ANKRD44: variants seen among roughly 807,000 people sequenced by gnomAD.
The protein encoded by ANKRD44 is serine/threonine-protein phosphatase 6 regulatory ankyrin repeat subunit B.
In ANKRD44, 35 loss-of-function variants were observed where a neutral mutation model predicts 116.0. The ratio of observed to expected loss-of-function variants is 0.30; its 90% CI spans 0.23 to 0.40. The LOEUF (loss-of-function observed/expected upper bound fraction) is 0.40. Ranked by LOEUF, ANKRD44 falls within the 10% of genes least tolerant of loss-of-function variation. ANKRD44 has a pLI of 1.00. For synonymous variants in ANKRD44, 435 were observed against 461.8 expected (o/e 0.94, Z 0.74); for missense variants, 1,014 against 1,242.6 (o/e 0.82, Z 2.77).
rs754432821 is a variant in ANKRD44 at position 197,008,971 on chromosome 2, G to A, written c.1985C>T (p.Ala662Val). The A allele has an allele frequency of 4.4e-5, 71 of 1,613,976 alleles. 1 individual carries two copies. The highest frequency in any genetic ancestry group is 1.1e-4 in the African/African-American group (8 of 74,922). ...LLLEIADNPEAVDVKDAKGQT... is the reference protein window; with the variant it reads ...LLLEIADNPEVVDVKDAKGQT... The stretch of plus-strand genomic sequence containing the variant: ...TCCTTTGGCATCTTTCACATCGACC[G>A]CCTCCGGGTTGTCTGCAATTTCTAG... Residue 662 changes from alanine (A) to valine (V), a missense_variant, in exon 19 of 28, where the codon GCG (alanine) becomes GTG (valine). Coordinates refer to ENST00000282272, the MANE Select transcript of ANKRD44 (RefSeq NM_001195144.2).
At chr2:197,186,220 C>T (rs1308064856) in intron 2 of ANKRD44, among the ~76,000 whole-genome samples, 2 of 151,996 alleles carry the variant, frequency 1.3e-5, no homozygotes, top group Non-Finnish European at 2.9e-5. Context: ...GGTTCATCAC[C>T]TTGGAAAAAA....
chr2:196,974,629 C>T (rs2125860613), intron 21 of ANKRD44, among the ~76,000 whole-genome samples: 1 of 152,154 alleles, frequency 6.6e-6, no homozygotes, highest in Non-Finnish European at 1.5e-5. Context: ...GTGGCTCATG[C>T]CTGTAATCCC....
chr2:197,097,603 C>A (rs2078191027), intron 10 of ANKRD44, among the ~76,000 whole-genome samples: 1 of 152,194 alleles, frequency 6.6e-6, no homozygotes. Flanking sequence ...TGTCAGCATT[C>A]TCCTCTTCTG....
intron 1 of ANKRD44, among the ~76,000 whole-genome samples, chr2:197,298,694 G>T (rs1174579085): frequency 6.6e-6 from 1 of 152,156 alleles, no homozygotes; most frequent in Non-Finnish European, 1.5e-5. Flanking sequence ...AAGCCAAGCA[G>T]ATCACTTGAT....
At chr2:197,241,376 T>C (rs1371017571) in intron 1 of ANKRD44, among the ~76,000 whole-genome samples, 2 of 152,220 alleles carry the variant, frequency 1.3e-5, no homozygotes, top group African/African-American at 2.4e-5. Flanking sequence ...CTATGCATCA[T>C]GGATCTCCAA....
At chr2:197,074,355 A>G (rs550584815) in intron 16 of ANKRD44, among the ~76,000 whole-genome samples, 2 of 151,978 alleles carry the variant, frequency 1.3e-5, no homozygotes, top group Admixed American at 6.6e-5. Context: ...GTTCAAATTT[A>G]CTGATTTTTC....
In ANKRD44 at chr2:197,289,138, C is replaced by T. The variant is rs142626086; in HGVS notation, c.27+21440G>A. 4.9e-3 allele frequency among the ~76,000 whole-genome samples: 751 copies of T among 152,222 alleles called. 3 individuals are homozygous for T. Among genetic ancestry groups the T allele is most frequent in the African/African-American group, 0.017 (712 of 41,520 alleles). On this transcript the variant is annotated intron_variant, in intron 1 of 27. Coordinates refer to ENST00000282272, the MANE Select transcript of ANKRD44 (RefSeq NM_001195144.2). ...TACACTGGTTTGGTCATTACACATC[C>T]TATGTATGTCTCACTCATATAGACT...
intron 1 of ANKRD44, among the ~76,000 whole-genome samples, chr2:197,232,021 T>C (rs75667426): frequency 2.0e-3 from 310 of 152,330 alleles, no homozygotes; most frequent in Middle Eastern, 6.8e-3. Flanking sequence ...CTGCATCCCA[T>C]GCTCTGACCC....
intron 1 of ANKRD44, chr2:197,296,336 T>G (rs1473181320): frequency 2.0e-5 from 3 of 152,226 alleles, no homozygotes; most frequent in African/African-American, 4.8e-5. Context: ...GCCTTCTGAG[T>G]GACACAGCTC....
intron 17 of ANKRD44, 36 bp from the exon 18 acceptor site, chr2:197,013,748 C>A: frequency 1.2e-6 from 2 of 1,608,602 alleles, no homozygotes; most frequent in South Asian, 2.2e-5. Context: ...CATGCTTGCT[C>A]GCTCACCTCA....
Position 196,986,972 on chromosome 2 carries a change from T to C in ANKRD44, c.*2619A>G, listed in dbSNP as rs1277566373. 15 of 985,418 alleles carry C rather than the reference T, an allele frequency of 1.5e-5. No individual in the cohort carries two copies. The highest frequency in any genetic ancestry group is 1.8e-5 in the Non-Finnish European group (15 of 829,912). 61.0% of individuals were successfully genotyped at this position (985,418 alleles called of 1,614,324 possible). ...GCTGTTACAAATATGTTATGCAAAA[T>C]ATAACACTGGCACCAGATTTGTATC... On this transcript the variant is annotated 3_prime_UTR_variant, in exon 28 of 28. Transcript: ENST00000282272.
chr2:197,078,791 T>C lies in ANKRD44; in HGVS notation c.1562A>G (p.Asn521Ser). 3.7e-6 allele frequency: 6 copies of C among 1,613,164 alleles called. No individual in the cohort carries two copies. Among genetic ancestry groups the C allele is most frequent in the Non-Finnish European group, 5.1e-6 (6 of 1,179,314 alleles). The change falls in exon 16 of 28, where the codon AAT becomes AGT. Residue 521 changes from asparagine (N) to serine (S), a missense_variant. Coordinates refer to ENST00000282272, the MANE Select transcript of ANKRD44 (RefSeq NM_001195144.2). ...ATLCLEFLLQNDANPSIRDKE... is the reference protein window; with the variant it reads ...ATLCLEFLLQSDANPSIRDKE... ...GTCCCGGATAGATGGATTTGCATCA[T>C]TTTGAAGCAGAAACTCTAGACATCT...
intron 9 of ANKRD44, among the ~76,000 whole-genome samples, chr2:197,103,175 C>T (rs1358618082): frequency 6.8e-6 from 1 of 148,112 alleles, no homozygotes; most frequent in Non-Finnish European, 1.5e-5. Context: ...TTGCAGTGAG[C>T]CAAGATTACG....
chr2:197,038,908 A>C (rs566303014), intron 16 of ANKRD44, among the ~76,000 whole-genome samples: 21 of 152,358 alleles, frequency 1.4e-4, no homozygotes, highest in Non-Finnish European at 2.5e-4. Flanking sequence ...CTTACTTGAA[A>C]GTAATGCAAA....
chr2:197,261,431 G>A (rs190719120), intron 1 of ANKRD44, among the ~76,000 whole-genome samples: 1,715 of 150,388 alleles, frequency 0.011, 37 homozygotes, highest in African/African-American at 0.04. Context: ...TGTTCCATTG[G>A]TCTATATATC....
chr2:197,231,093 C>G (rs926678618), intron 1 of ANKRD44, among the ~76,000 whole-genome samples: 5 of 152,100 alleles, frequency 3.3e-5, no homozygotes, highest in African/African-American at 1.2e-4. Context: ...GAGCCTTTAC[C>G]TAAGTCACTG....
In ANKRD44 at chr2:197,001,838, T is replaced by C. The variant is rs889499557; in HGVS notation, c.2350A>G (p.Asn784Asp). The part of the protein sequence containing the change: ...TPLHWACYNG[N>D]ENCIEVLLEQ... ...AAAAGTACCTCTATACAGTTTTCATTACCTGCAAGAAATAAAAATAATTTA... is the reference window on the plus strand; with the variant it reads ...AAAAGTACCTCTATACAGTTTTCATCACCTGCAAGAAATAAAAATAATTTA... The change falls in exon 22 of 28, where the codon AAT (asparagine) becomes GAT (aspartate). Residue 784 changes from asparagine (N) to aspartate (D), a missense_variant and splice_region_variant. By Grantham distance (23) the Asn-to-Asp change is conservative. Coordinates refer to ENST00000282272, the MANE Select transcript of ANKRD44 (RefSeq NM_001195144.2). 6.2e-7 allele frequency: 1 copy of C among 1,606,448 alleles called. No individual in the cohort carries two copies. The highest frequency in any genetic ancestry group is 1.3e-5 in the African/African-American group (1 of 74,860).
chr2:197,295,346 CT>C (rs1286271063), intron 1 of ANKRD44, among the ~76,000 whole-genome samples: 1 of 152,218 alleles, frequency 6.6e-6, no homozygotes, highest in Non-Finnish European at 1.5e-5. Context: ...ACCCTATAGT[CT>C]TTGCCACAAC....
intron 1 of ANKRD44, among the ~76,000 whole-genome samples, chr2:197,231,697 C>T (rs1453823705): frequency 1.3e-5 from 2 of 151,754 alleles, no homozygotes; most frequent in Non-Finnish European, 2.9e-5. Flanking sequence ...CACAGGGCAG[C>T]CCCCACAGCA....
Sources: gnomAD v4.1 joint callset for allele counts (sites outside exome capture counted in the v4.1 genomes callset) on GRCh38, gnomAD v4.1.1 for gene constraint, MANE v1.5 for transcripts, NCBI Gene and HGNC (gene_info 2026-07-23, HGNC 2026-07-21) for gene names.